The following BLTP1 variants were observed in gnomAD, a reference collection of about 807,000 sequenced individuals.
BLTP1 encodes the protein fragile site-associated protein.
the BLTP1 span, chr4:122,207,044 C>G: frequency 7.0e-7 from 1 of 1,438,386 alleles, no homozygotes; most frequent in African/African-American, 1.5e-5. Context: ...GTTAGAAAAT[C>G]TGTGTTTTAC....
chr4:122,346,380 C>T, the BLTP1 span: 1 of 820,778 alleles, frequency 1.2e-6, no homozygotes, highest in East Asian at 1.2e-4. Context: ...ATCTTTAGAA[C>T]TTCTCTGAGG....
At chr4:122,184,851 A>G in the BLTP1 span, 1 of 984,660 alleles carries the variant, frequency 1.0e-6, no homozygotes, top group Non-Finnish European at 1.2e-6. Context: ...AAACTTATCT[A>G]ATGAACAGCT....
the BLTP1 span, chr4:122,352,891 G>T: frequency 3.7e-6 from 6 of 1,609,498 alleles, no homozygotes; most frequent in African/African-American, 2.7e-5. Context: ...TGTGTTTTTT[G>T]GTTTTCTTGC....
chr4:122,271,606 A>G, the BLTP1 span: 1 of 1,613,382 alleles, frequency 6.2e-7, no homozygotes, highest in Non-Finnish European at 8.5e-7. Context: ...CAGTGTCAGA[A>G]CAAAGTGAGC....
At chr4:122,218,473 TA>T in the BLTP1 span, among the ~76,000 whole-genome samples, 1 of 152,204 alleles carries the variant, frequency 6.6e-6, no homozygotes, top group African/African-American at 2.4e-5. Flanking sequence ...TGTATGACTT[TA>T]AGCCCTTCAA....
chr4:122,234,647 G>A, the BLTP1 span: 57 of 1,072,494 alleles, frequency 5.3e-5, no homozygotes, highest in African/African-American at 8.6e-4. Flanking sequence ...CTTTGTGTTT[G>A]TGTTTACTTT....
At chr4:122,168,617 AG>A in the BLTP1 span, among the ~76,000 whole-genome samples, 1 of 152,092 alleles carries the variant, frequency 6.6e-6, no homozygotes, top group Non-Finnish European at 1.5e-5. Context: ...AGAAAGAGAA[AG>A]CTCATGTTAT....
chr4:122,263,183 T>C, the BLTP1 span: 1 of 984,998 alleles, frequency 1.0e-6, no homozygotes, highest in Non-Finnish European at 1.2e-6. Context: ...ATTTTTAAAT[T>C]GCAGCTCTGA....
At chr4:122,189,404 CAGAGTT>C in the BLTP1 span, 1 of 983,490 alleles carries the variant, frequency 1.0e-6, no homozygotes, top group Non-Finnish European at 1.2e-6. Context: ...ACGTTCATTC[CAGAGTT>C]AGAGTTCACG....
chr4:122,155,006 GATTAAGAAGCAGTGTAATTC>G, the BLTP1 span: 5 of 830,766 alleles, frequency 6.0e-6, no homozygotes, highest in African/African-American at 3.7e-5. Context: ...GATCAAAGGT[GATTAAGAAGCAGTGTAATTC>G]ATTTCATAAC....
the BLTP1 span, chr4:122,174,635 A>G: frequency 8.1e-6 from 13 of 1,600,980 alleles, no homozygotes; most frequent in Non-Finnish European, 1.1e-5. Flanking sequence ...ATTACATTAC[A>G]GAAGACATGT....
chr4:122,275,945 C>T, the BLTP1 span: 2 of 1,513,128 alleles, frequency 1.3e-6, no homozygotes, highest in Non-Finnish European at 1.8e-6. Context: ...TTTGTTTTCC[C>T]ACTTTCTCTT....
At chr4:122,360,716 T>C in the BLTP1 span, among the ~76,000 whole-genome samples, 1 of 152,210 alleles carries the variant, frequency 6.6e-6, no homozygotes, top group Non-Finnish European at 1.5e-5. Flanking sequence ...TTGGTACTAA[T>C]AGTGCATATA....
At chr4:122,339,325 C>T in the BLTP1 span, 6 of 1,613,554 alleles carry the variant, frequency 3.7e-6, no homozygotes, top group South Asian at 5.5e-5. Context: ...TTAGGGACTA[C>T]ATATCCTGCA....
chr4:122,243,581 T>A, the BLTP1 span: 1 of 386,142 alleles, frequency 2.6e-6, no homozygotes, highest in African/African-American at 2.2e-5. Context: ...TCTCTACTTT[T>A]TAGTACAAAA....
chr4:122,159,395 G>A, the BLTP1 span, among the ~76,000 whole-genome samples: 1 of 151,824 alleles, frequency 6.6e-6, no homozygotes, highest in Non-Finnish European at 1.5e-5. Flanking sequence ...CCCGGGAGGC[G>A]GAGGTTGCAG....
At chr4:122,267,051 A>ATTATTTTTTTTTTTTTTT in the BLTP1 span, 15 of 138,564 alleles carry the variant, frequency 1.1e-4, no homozygotes, top group African/African-American at 1.1e-3. Context: ...TAAGGAAGTA[A>ATTATTTTTTTTTTTTTTT]TTTTTTTTTT....
chr4:122,155,297 T>G, the BLTP1 span, among the ~76,000 whole-genome samples: 9 of 152,164 alleles, frequency 5.9e-5, no homozygotes, highest in Non-Finnish European at 1.3e-4. Context: ...CTATGAATGC[T>G]GCATTAATGT....
chr4:122,152,922 T>G, the BLTP1 span: 2 of 874,902 alleles, frequency 2.3e-6, no homozygotes, highest in Non-Finnish European at 2.7e-6. Flanking sequence ...ACTGCAGCCT[T>G]GCCAGCTGCA....
Sources: gnomAD v4.1 joint callset for allele counts (sites outside exome capture counted in the v4.1 genomes callset) on GRCh38, gnomAD v4.1.1 for gene constraint, MANE v1.5 for transcripts, NCBI Gene and HGNC (gene_info 2026-07-23, HGNC 2026-07-21) for gene names.